BRWD1: variants seen among roughly 807,000 people sequenced by gnomAD.
The protein encoded by BRWD1 is bromodomain and WD repeat-containing protein 1.
A neutral mutation model predicts 251.2 loss-of-function variants in BRWD1; 82 were observed. The observed-to-expected ratio is 0.33, with a 90% confidence interval of 0.27 to 0.39. BRWD1 has a LOEUF of 0.39. Ranked by LOEUF, BRWD1 falls within the 10% of genes least tolerant of loss-of-function variation. BRWD1 has a pLI of 1.00. For synonymous variants in BRWD1, 918 were observed against 902.8 expected (o/e 1.02, Z -0.30); for missense variants, 2,233 against 2,711.6 (o/e 0.82, Z 3.92).
intron 27 of BRWD1, among the ~76,000 whole-genome samples, chr21:39,227,505 G>T (rs1433076196): frequency 6.6e-6 from 1 of 152,024 alleles, no homozygotes; most frequent in Non-Finnish European, 1.5e-5. Context: ...CTCCTTAAAT[G>T]ATCATCACAA....
intron 4 of BRWD1, among the ~76,000 whole-genome samples, chr21:39,299,810 AC>A (rs1261642997): frequency 2.3e-4 from 6 of 25,828 alleles, no homozygotes; most frequent in African/African-American, 4.0e-4. Flanking sequence ...TCCCATCTCT[AC>A]TAAAAAAAAA....
Position 39,194,223 on chromosome 21 carries a change from G to T in BRWD1, c.*2036C>A, listed in dbSNP as rs557293719. 3 of 980,612 alleles carry T rather than the reference G, an allele frequency of 3.1e-6. No individual in the cohort carries two copies. Among genetic ancestry groups the T allele is most frequent in the South Asian group, 9.4e-5 (2 of 21,386 alleles). The allele number at this position is 980,612 out of a possible 1,614,324, so 60.7% of individuals were successfully genotyped here. A position where few individuals can be genotyped will look rare whatever the true frequency, so the allele number is the denominator to read the frequency against. On this transcript the variant is annotated 3_prime_UTR_variant, in exon 41 of 41. Transcript: ENST00000342449. Reference sequence around the variant, plus strand: ...GTCAAAATATTGTTTTATACCAAAAGAATGTATGTACTTATGAATGTATTC... The same window carrying T: ...GTCAAAATATTGTTTTATACCAAAATAATGTATGTACTTATGAATGTATTC...
chr21:39,228,149 G>A (rs547918442), intron 27 of BRWD1, among the ~76,000 whole-genome samples: 30 of 152,166 alleles, frequency 2.0e-4, no homozygotes, highest in African/African-American at 6.0e-4. Context: ...TTAGCCGGGC[G>A]TAGTGGCGCA....
intron 8 of BRWD1, among the ~76,000 whole-genome samples, chr21:39,281,082 T>C (rs564798204): frequency 1.3e-5 from 2 of 152,288 alleles, no homozygotes; most frequent in African/African-American, 4.8e-5. Context: ...GAATATGGTA[T>C]ATGATAGAAA....
intron 23 of BRWD1, among the ~76,000 whole-genome samples, chr21:39,232,796 AC>A (rs1004830614): frequency 6.6e-6 from 1 of 152,016 alleles, no homozygotes; most frequent in African/African-American, 2.4e-5. Flanking sequence ...ATCCTCTTTT[AC>A]CCATAGCCTG....
upstream of BRWD1, chr21:39,314,367 G>A (rs759598963): frequency 3.5e-5 from 16 of 455,372 alleles, no homozygotes; most frequent in African/African-American, 8.0e-5. Flanking sequence ...TGCGAGTCGG[G>A]GGAGCAGCGC....
In BRWD1 at chr21:39,190,921, T is replaced by G; in HGVS notation, c.*5338A>C. 1 of 985,350 alleles carries G rather than the reference T, an allele frequency of 1.0e-6. No homozygotes were observed. The highest frequency in any genetic ancestry group is 1.2e-6 in the Non-Finnish European group (1 of 829,894). 61.0% of individuals were successfully genotyped at this position (985,350 alleles called of 1,614,324 possible). On this transcript the variant is annotated 3_prime_UTR_variant, in exon 41 of 41. Transcript: ENST00000342449. ...CACAACTCTGAATTTTTGTTCTTAT[T>G]CTGGAACTACAACTAATCTAGCTCA...
At chr21:39,279,925 TAA>T (rs1236039309) in intron 9 of BRWD1, among the ~76,000 whole-genome samples, 1 of 152,168 alleles carries the variant, frequency 6.6e-6, no homozygotes, top group Non-Finnish European at 1.5e-5. Context: ...AAAAATGTGC[TAA>T]GATAGAAAAG....
intron 36 of BRWD1, among the ~76,000 whole-genome samples, chr21:39,209,389 A>G (rs2032555286): frequency 6.6e-6 from 1 of 152,104 alleles, no homozygotes; most frequent in African/African-American, 2.4e-5. Context: ...TTCAATATAA[A>G]GCTTATTCTC....
At chr21:39,228,663 A>C in intron 26 of BRWD1, 81 bp from the exon 27 acceptor site, 1 of 703,648 alleles carries the variant, frequency 1.4e-6, no homozygotes, top group Non-Finnish European at 2.5e-6. Flanking sequence ...CAAAAGAAAC[A>C]TGAGATCTAC....
Position 39,199,339 on chromosome 21 carries a change from G to A in BRWD1, c.5077C>T (p.Leu1693=), listed in dbSNP as rs748652776. ...GGTAATAGTTGATTTTCATCTTTTA[G>A]CTCCTCTTCTTCAATTTCTGACTTT... is the stretch of plus-strand genomic sequence containing the variant. The part of the protein sequence containing the change: ...SLKSEIEEEE[L]KDENQLLPVS... The change falls in exon 40 of 41, where the codon CTA becomes TTA. Residue 1693 remains leucine (L), a synonymous_variant. Coordinates refer to ENST00000342449, the MANE Select transcript of BRWD1 (RefSeq NM_033656.4). The A allele has an allele frequency of 6.2e-7, 1 of 1,613,942 alleles. No individual in the cohort carries two copies.
At position 39,247,717 on chromosome 21, in the gene BRWD1, G is replaced by A. The variant is rs754980297; in HGVS notation, c.2465C>T (p.Ser822Leu). 4 of 1,611,614 alleles carry A rather than the reference G, an allele frequency of 2.5e-6. No homozygotes were observed. The highest frequency in any genetic ancestry group is 1.7e-5 in the Admixed American group (1 of 59,468). The change falls in exon 21 of 41, where the codon TCA becomes TTA. Residue 822 changes from serine (S) to leucine (L), a missense_variant. Around this residue, in one of 12 missense-constraint regions of BRWD1, gnomAD observed 214 missense variants for 222.0 expected, o/e 0.96. Transcript: ENST00000342449. ...WRELSSGNES[S>L]SSVRHETSCD... ...TCCACTCACATGTCTTACAGAGCTT[G>A]AAGACTCATTTCCAGAAGATAACTC...
At chr21:39,257,597 C>T (rs1005744093) in intron 18 of BRWD1, among the ~76,000 whole-genome samples, 1 of 151,552 alleles carries the variant, frequency 6.6e-6, no homozygotes, top group Non-Finnish European at 1.5e-5. Flanking sequence ...ATTGGGACAA[C>T]TGGGGAAGAG....
At chr21:39,225,728 T>C (rs1277993725) in intron 27 of BRWD1, among the ~76,000 whole-genome samples, 1 of 152,166 alleles carries the variant, frequency 6.6e-6, no homozygotes, top group Admixed American at 6.5e-5. Flanking sequence ...TTCAAAGGTT[T>C]GAAAAAAAAT....
chr21:39,290,024 C>CAAA (rs376359142), intron 8 of BRWD1, among the ~76,000 whole-genome samples: 2 of 108,278 alleles, frequency 1.8e-5, no homozygotes, highest in Non-Finnish European at 3.8e-5. Context: ...GACTCCATCT[C>CAAA]AAAAAAAAAA....
At chr21:39,207,879 A>C (rs78176941) in intron 36 of BRWD1, among the ~76,000 whole-genome samples, 1 of 152,340 alleles carries the variant, frequency 6.6e-6, no homozygotes, top group East Asian at 1.9e-4. Flanking sequence ...CATTACACTA[A>C]GTGAAATAAA....
At chr21:39,312,237 C>G (rs117069302) in intron 4 of BRWD1, among the ~76,000 whole-genome samples, 1 of 152,212 alleles carries the variant, frequency 6.6e-6, no homozygotes, top group Admixed American at 6.5e-5. Context: ...TCTACAAGAT[C>G]AGTGTGAAAC....
intron 36 of BRWD1, chr21:39,209,787 A>G (rs2032576873): frequency 2.4e-6 from 1 of 422,876 alleles, no homozygotes; most frequent in African/African-American, 2.0e-5. Flanking sequence ...ATTATGATAA[A>G]CATCAACTGA....
At chr21:39,289,815 G>A (rs1007838957) in intron 8 of BRWD1, among the ~76,000 whole-genome samples, 2 of 151,970 alleles carry the variant, frequency 1.3e-5, no homozygotes, top group East Asian at 2.0e-4. Context: ...ATGAGGTCAG[G>A]AGATCGAGAC....
Sources: gnomAD v4.1 joint callset for allele counts (sites outside exome capture counted in the v4.1 genomes callset) on GRCh38, gnomAD v4.1.1 for gene constraint, gnomAD v4.1.1 regional missense constraint, MANE v1.5 for transcripts, NCBI Gene and HGNC (gene_info 2026-07-23, HGNC 2026-07-21) for gene names.